TENM2: variants seen among roughly 807,000 people sequenced by gnomAD.
TENM2 encodes teneurin transmembrane protein 2.
A neutral mutation model predicts 245.2 loss-of-function variants in TENM2; 52 were observed. The observed-to-expected ratio is 0.21, with a 90% CI of 0.17 to 0.27. TENM2 has a LOEUF of 0.27. TENM2 is among the 10% of genes least tolerant of loss of function. The pLI is 1.00. For missense variants in TENM2, 3,046 were observed against 3,666.8 expected (o/e 0.83, Z 4.37); for synonymous variants, 1,363 against 1,438.9 (o/e 0.95, Z 1.19).
At chr5:167,117,502 C>CA in the TENM2 span, among the ~76,000 whole-genome samples, 31 of 148,916 alleles carry the variant, frequency 2.1e-4, no homozygotes, top group South Asian at 4.3e-4. Context: ...GACTCCATCT[C>CA]AAAAAAAAAT....
intron 24 of TENM2, among the ~76,000 whole-genome samples, chr5:168,227,585 A>C (rs1007870798): frequency 2.0e-5 from 3 of 151,558 alleles, no homozygotes; most frequent in Non-Finnish European, 4.4e-5. Context: ...TGATTGACAC[A>C]AATTGTGTAG....
intron 2 of TENM2, among the ~76,000 whole-genome samples, chr5:167,415,930 A>G (rs1763147522): frequency 6.6e-6 from 1 of 152,160 alleles, no homozygotes; most frequent in Admixed American, 6.6e-5. Context: ...GAGACGCAGT[A>G]ATGATATTAT....
the TENM2 span, among the ~76,000 whole-genome samples, chr5:167,087,836 C>T: frequency 1.3e-5 from 2 of 151,498 alleles, no homozygotes; most frequent in Non-Finnish European, 2.9e-5. Flanking sequence ...GTTGCCCAGG[C>T]TGGAGTGCAG....
chr5:168,159,923 T>A (rs1237126900), intron 12 of TENM2, among the ~76,000 whole-genome samples: 1 of 152,226 alleles, frequency 6.6e-6, no homozygotes, highest in Non-Finnish European at 1.5e-5. Context: ...TATCTCTGAC[T>A]GACACGCTAG....
intron 9 of TENM2, 118 bp downstream of exon 11, chr5:168,098,245 C>A: frequency 2.8e-6 from 2 of 711,032 alleles, no homozygotes; most frequent in Non-Finnish European, 2.5e-6. Context: ...AGACATCTTG[C>A]AAGCCCATGC....
intron 2 of TENM2, among the ~76,000 whole-genome samples, chr5:167,423,654 A>C (rs1358452740): frequency 6.6e-6 from 1 of 152,166 alleles, no homozygotes; most frequent in Non-Finnish European, 1.5e-5. Flanking sequence ...AAGCATTCCC[A>C]CGTTGGGCAC....
intron 2 of TENM2, among the ~76,000 whole-genome samples, chr5:167,499,878 ATG>A (rs532668977): frequency 0.02 from 1,616 of 79,738 alleles, 87 homozygotes; most frequent in Admixed American, 0.14. Flanking sequence ...GTGAGGGTAT[ATG>A]TGTGTGTGTG....
chr5:167,155,339 A>G, the TENM2 span, among the ~76,000 whole-genome samples: 1 of 152,336 alleles, frequency 6.6e-6, no homozygotes, highest in East Asian at 1.9e-4. Flanking sequence ...CCGCCAAAAA[A>G]TTCTATGGTC....
chr5:167,251,768 G>T, the TENM2 span, among the ~76,000 whole-genome samples: 1 of 152,126 alleles, frequency 6.6e-6, no homozygotes, highest in African/African-American at 2.4e-5. Context: ...TGTTTGGTGA[G>T]GCAGCAATGC....
chr5:167,749,799 C>T (rs1328891078), intron 2 of TENM2, among the ~76,000 whole-genome samples: 1 of 152,012 alleles, frequency 6.6e-6, no homozygotes, highest in African/African-American at 2.4e-5. Flanking sequence ...CATTTGAAAC[C>T]TATATTTTTA....
At chr5:168,145,704 C>T (rs1379531584) in intron 12 of TENM2, among the ~76,000 whole-genome samples, 1 of 151,434 alleles carries the variant, frequency 6.6e-6, no homozygotes, top group Admixed American at 6.6e-5. Flanking sequence ...TAGTTTTTTC[C>T]AATTCTGTGA....
chr5:167,279,745 T>C, the TENM2 span, among the ~76,000 whole-genome samples: 12 of 152,242 alleles, frequency 7.9e-5, no homozygotes, highest in East Asian at 2.3e-3. Context: ...CTTCTTTACA[T>C]CTTCTATTTG....
At chr5:167,208,791 G>A in the TENM2 span, among the ~76,000 whole-genome samples, 1 of 152,318 alleles carries the variant, frequency 6.6e-6, no homozygotes, top group Non-Finnish European at 1.5e-5. Flanking sequence ...CAGCCTATAT[G>A]TATTATTCCC....
the TENM2 span, among the ~76,000 whole-genome samples, chr5:167,219,239 G>T: frequency 6.6e-6 from 1 of 152,172 alleles, no homozygotes; most frequent in Non-Finnish European, 1.5e-5. Context: ...GTCCCAGGCT[G>T]CAGTGAGCTA....
At chr5:168,196,809 C>G (rs1362698752) in intron 15 of TENM2, among the ~76,000 whole-genome samples, 1 of 152,196 alleles carries the variant, frequency 6.6e-6, no homozygotes, top group Non-Finnish European at 1.5e-5. Flanking sequence ...CTGTGAAGTC[C>G]CATGAAACAA....
At chr5:167,716,869 T>C (rs1472004281) in intron 2 of TENM2, among the ~76,000 whole-genome samples, 1 of 150,962 alleles carries the variant, frequency 6.6e-6, no homozygotes, top group African/African-American at 2.4e-5. Context: ...TTTACTCAAC[T>C]TTGGGTCTTT....
chr5:167,547,491 G>T (rs1408552816), intron 2 of TENM2, among the ~76,000 whole-genome samples: 1 of 152,164 alleles, frequency 6.6e-6, no homozygotes, highest in Non-Finnish European at 1.5e-5. Context: ...TTTGTTTTTC[G>T]AAATATTTTG....
chr5:168,045,115 T>G (rs904910196), intron 5 of TENM2, among the ~76,000 whole-genome samples: 1 of 152,230 alleles, frequency 6.6e-6, no homozygotes, highest in Middle Eastern at 3.2e-3. Context: ...GGTCTCATGT[T>G]CAGCAGATTT....
chr5:167,662,413 G>A (rs991067934), intron 2 of TENM2, among the ~76,000 whole-genome samples: 4 of 152,092 alleles, frequency 2.6e-5, no homozygotes, highest in Non-Finnish European at 5.9e-5. Context: ...AAGTGGCGTG[G>A]TTTGCTTAAT....
Sources: allele counts gnomAD v4.1 joint callset (sites outside exome capture counted in the v4.1 genomes callset), GRCh38; gene constraint gnomAD v4.1.1; transcripts MANE v1.5; gene names NCBI Gene and HGNC (gene_info 2026-07-23, HGNC 2026-07-21).